CEP128: variants seen among roughly 807,000 people sequenced by gnomAD.
CEP128 encodes the protein centrosomal protein 128.
CEP128 carries 132 observed loss-of-function variants against 156.7 expected under a neutral mutation model. That is an observed-to-expected ratio of 0.84 (90% CI 0.73 to 0.97). CEP128 has a LOEUF of 0.97. Among genes scored for constraint, CEP128 ranks in the 50% least tolerant of loss-of-function variants. The pLI, the probability that CEP128 is intolerant of heterozygous loss-of-function variation, is 0.00. For missense variants in CEP128, 1,252 were observed against 1,281.9 expected (o/e 0.98, Z 0.36); for synonymous variants, 469 against 448.9 (o/e 1.04, Z -0.57).
At chr14:80,899,220 T>G (rs1363321633) in intron 7 of CEP128, among the ~76,000 whole-genome samples, 1 of 152,170 alleles carries the variant, frequency 6.6e-6, no homozygotes, top group African/African-American at 2.4e-5. Flanking sequence ...AACTGGTGTG[T>G]GGGATGATTT....
intron 19 of CEP128, among the ~76,000 whole-genome samples, chr14:80,675,943 G>A (rs1896043172): frequency 6.6e-6 from 1 of 152,070 alleles, no homozygotes; most frequent in African/African-American, 2.4e-5. Context: ...TGCCACACTA[G>A]TCTTGATAAC....
intron 13 of CEP128, among the ~76,000 whole-genome samples, chr14:80,823,505 G>A (rs1885300926): frequency 1.3e-5 from 2 of 151,972 alleles, no homozygotes; most frequent in Non-Finnish European, 2.9e-5. Flanking sequence ...GAATTTGAAA[G>A]TTGTTGTATA....
intron 18 of CEP128, among the ~76,000 whole-genome samples, chr14:80,754,937 GT>G (rs796209504): frequency 7.9e-5 from 12 of 152,286 alleles, no homozygotes; most frequent in African/African-American, 2.9e-4. Flanking sequence ...TAATGACCAT[GT>G]GATGGTTAAC....
At chr14:80,944,560 C>T (rs1314493647), upstream of CEP128, among the ~76,000 whole-genome samples, 1 of 152,208 alleles carries the variant, frequency 6.6e-6, no homozygotes, top group African/African-American at 2.4e-5. Flanking sequence ...CGGTGGCTCA[C>T]GCCTGTAATC....
Position 80,793,023 on chromosome 14 carries a change from A to T in CEP128, c.1297T>A (p.Cys433Ser), listed in dbSNP as rs760894492. 6.2e-7 allele frequency: 1 copy of T among 1,614,204 alleles called. No individual in the cohort carries two copies. Among genetic ancestry groups the T allele is most frequent in the South Asian group, 1.1e-5 (1 of 91,092 alleles). ...TCAGCATGCTTACGCTCGGCCTCACATGTGTCAAAGTGATTCTGGATCTCC... is the reference window on the plus strand; with the variant it reads ...TCAGCATGCTTACGCTCGGCCTCACTTGTGTCAAAGTGATTCTGGATCTCC... ...LKEIQNHFDT[C>S]EAERKHADLQ... is the part of the protein sequence containing the mutation. The change falls in exon 14 of 25, where the codon TGT becomes AGT. Residue 433 changes from cysteine (C) to serine (S), a missense_variant. By Grantham distance (112) the Cys-to-Ser change is moderately radical. Transcript: ENST00000555265.
rs753616765 is a variant in CEP128 at position 80,504,979 on chromosome 14, T to C, written c.3114A>G (p.Leu1038=). 3 of 1,603,322 alleles carry C rather than the reference T, an allele frequency of 1.9e-6. No homozygotes were observed. The African/African-American group carries it at 4.0e-5, about 21-fold the overall frequency. ...TFLEGSHTRG[L]DHSSSWQDHS... ...GATCCTGCCAAGAGGATGAGTGATC[T>C]AACCCACGAGTGTGGGAACCTTCCA... is the stretch of plus-strand genomic sequence containing the variant. The change falls in exon 24 of 25, where the codon TTA becomes TTG. Residue 1038 remains leucine, a synonymous_variant. Coordinates refer to ENST00000555265, the MANE Select transcript of CEP128 (RefSeq NM_152446.5).
intron 8 of CEP128, among the ~76,000 whole-genome samples, chr14:80,865,929 A>G (rs1887748233): frequency 6.6e-6 from 1 of 152,164 alleles, no homozygotes. Flanking sequence ...CCCAGAGCCA[A>G]AGGACCCAGC....
chr14:80,793,716 C>T (rs1028662924), intron 13 of CEP128, among the ~76,000 whole-genome samples: 86 of 152,144 alleles, frequency 5.7e-4, no homozygotes, highest in African/African-American at 2.0e-3. Context: ...TTTATAAATA[C>T]ACTTAATTTA....
chr14:80,555,543 A>G (rs1594994877), intron 21 of CEP128, among the ~76,000 whole-genome samples: 1 of 152,084 alleles, frequency 6.6e-6, no homozygotes, highest in East Asian at 1.9e-4. Flanking sequence ...TCATTCCCTC[A>G]TTAATTAATG....
At chr14:80,593,855 C>T (rs1330402782) in intron 19 of CEP128, among the ~76,000 whole-genome samples, 1 of 152,176 alleles carries the variant, frequency 6.6e-6, no homozygotes, top group Non-Finnish European at 1.5e-5. Flanking sequence ...ATTCCATGCT[C>T]ATGAATAGGA....
chr14:80,703,341 A>G (rs1271302605), intron 19 of CEP128, among the ~76,000 whole-genome samples: 3 of 152,102 alleles, frequency 2.0e-5, no homozygotes, highest in Admixed American at 2.0e-4. Context: ...TATCTTTAAT[A>G]TTCCATCCAG....
chr14:80,744,468 T>C (rs530194505), intron 18 of CEP128, among the ~76,000 whole-genome samples: 2 of 152,228 alleles, frequency 1.3e-5, no homozygotes, highest in East Asian at 3.9e-4. Context: ...CCCAGTGAAA[T>C]AACCGTAAGT....
chr14:80,794,457 G>T (rs1213571882), intron 13 of CEP128, among the ~76,000 whole-genome samples: 1 of 152,146 alleles, frequency 6.6e-6, no homozygotes, highest in East Asian at 1.9e-4. Context: ...CTGTGTACTT[G>T]TGTGTGTAGA....
chr14:80,797,381 G>T (rs1595414717), intron 13 of CEP128, among the ~76,000 whole-genome samples: 1 of 152,272 alleles, frequency 6.6e-6, no homozygotes, highest in Non-Finnish European at 1.5e-5. Context: ...GAAAAGGGTA[G>T]GATCTTCTTG....
At chr14:80,678,333 A>G (rs1896174077) in intron 19 of CEP128, among the ~76,000 whole-genome samples, 1 of 151,766 alleles carries the variant, frequency 6.6e-6, no homozygotes, top group South Asian at 2.1e-4. Flanking sequence ...ACACAGCTTG[A>G]CATTGCTTAA....
At chr14:80,495,101 G>A (rs1200151263), downstream of CEP128, among the ~76,000 whole-genome samples, 1 of 152,050 alleles carries the variant, frequency 6.6e-6, no homozygotes, top group Non-Finnish European at 1.5e-5. Context: ...ATTAAGTATT[G>A]GACCAGGCTT....
intron 13 of CEP128, among the ~76,000 whole-genome samples, chr14:80,828,221 CA>C (rs1370061713): frequency 6.7e-6 from 1 of 149,064 alleles, no homozygotes; most frequent in African/African-American, 2.5e-5. Flanking sequence ...CCCCCAGGTT[CA>C]AGCAATTCTC....
chr14:80,944,389 G>C (rs1886277543), upstream of CEP128, among the ~76,000 whole-genome samples: 1 of 152,138 alleles, frequency 6.6e-6, no homozygotes, highest in African/African-American at 2.4e-5. Flanking sequence ...GTTCTCAGGA[G>C]ATCTGATGGT....
chr14:80,820,351 G>A (rs1282279598), intron 13 of CEP128, among the ~76,000 whole-genome samples: 2 of 152,168 alleles, frequency 1.3e-5, no homozygotes, highest in African/African-American at 4.8e-5. Flanking sequence ...ACAAACCTCT[G>A]AATGATCATA....
Sources: gnomAD v4.1 joint callset for allele counts (sites outside exome capture counted in the v4.1 genomes callset) on GRCh38, gnomAD v4.1.1 for gene constraint, MANE v1.5 for transcripts, NCBI Gene and HGNC (gene_info 2026-07-23, HGNC 2026-07-21) for gene names.